KDM4C: variants seen among roughly 807,000 people sequenced by gnomAD.
KDM4C encodes the protein lysine demethylase 4C.
A neutral mutation model predicts 129.3 loss-of-function variants in KDM4C; 81 were observed. That is an observed-to-expected ratio of 0.63 (90% CI 0.52 to 0.75). The LOEUF (loss-of-function observed/expected upper bound fraction) is 0.75, where lower values mean the gene tolerates loss of function less well. Ranked by LOEUF, KDM4C falls within the 30% of genes least tolerant of loss-of-function variation. The pLI is 0.00. For synonymous variants in KDM4C, 573 were observed against 456.1 expected (o/e 1.26, Z -3.26); for missense variants, 1,457 against 1,304.0 (o/e 1.12, Z -1.81).
At chr9:7,059,876 T>C (rs1230994122) in intron 17 of KDM4C, among the ~76,000 whole-genome samples, 1 of 152,126 alleles carries the variant, frequency 6.6e-6, no homozygotes, top group East Asian at 1.9e-4. Context: ...TAAATATATA[T>C]TTTTAAAAAT....
chr9:7,064,636 A>G (rs1832164003), intron 17 of KDM4C, among the ~76,000 whole-genome samples: 1 of 152,178 alleles, frequency 6.6e-6, no homozygotes, highest in Admixed American at 6.5e-5. Flanking sequence ...GGAGAGGCAT[A>G]GGGTTTAGTG....
chr9:6,937,799 C>T (rs545982389), intron 8 of KDM4C, among the ~76,000 whole-genome samples: 7 of 152,098 alleles, frequency 4.6e-5, no homozygotes, highest in Non-Finnish European at 8.8e-5. Flanking sequence ...GCAACCTCTG[C>T]CTCCCGGGTT....
chr9:6,767,683 A>C (rs940641244), intron 1 of KDM4C, among the ~76,000 whole-genome samples: 1 of 152,104 alleles, frequency 6.6e-6, no homozygotes, highest in African/African-American at 2.4e-5. Context: ...CTGGTCTTGA[A>C]GTCCTGACCT....
At chr9:6,739,489 A>C (rs2988413) in intron 1 of KDM4C, among the ~76,000 whole-genome samples, 68,715 of 151,824 alleles carry the variant, frequency 0.45, 15,692 homozygotes, top group African/African-American at 0.5. Flanking sequence ...CTAAGGCTTC[A>C]CTCCTGGACA....
chr9:7,091,412 T>C (rs867706725), intron 17 of KDM4C, among the ~76,000 whole-genome samples: 15 of 152,288 alleles, frequency 9.8e-5, no homozygotes, highest in Admixed American at 5.2e-4. Context: ...TTTTTTTCAC[T>C]AAAACACTTT....
At chr9:6,888,356 AT>A (rs1385720588) in intron 7 of KDM4C, among the ~76,000 whole-genome samples, 2 of 152,196 alleles carry the variant, frequency 1.3e-5, no homozygotes, top group Non-Finnish European at 2.9e-5. Context: ...AATCTTTTTT[AT>A]GAGTAACATA....
At chr9:7,084,562 G>C (rs1587537007) in intron 17 of KDM4C, among the ~76,000 whole-genome samples, 1 of 151,600 alleles carries the variant, frequency 6.6e-6, no homozygotes, top group African/African-American at 2.4e-5. Flanking sequence ...TCATAAGGCT[G>C]CTATCATCAA....
At chr9:6,959,421 G>T (rs1829657328) in intron 8 of KDM4C, among the ~76,000 whole-genome samples, 1 of 152,178 alleles carries the variant, frequency 6.6e-6, no homozygotes, top group South Asian at 2.1e-4. Flanking sequence ...CTTGAAGAAT[G>T]ATTTCTGAAC....
At chr9:6,800,108 C>T (rs1455913528) in intron 2 of KDM4C, among the ~76,000 whole-genome samples, 11 of 152,154 alleles carry the variant, frequency 7.2e-5, no homozygotes, top group Non-Finnish European at 1.6e-4. Flanking sequence ...TGACTCACGC[C>T]TGTAATCCCA....
chr9:7,148,510 C>T (rs2130056522), intron 19 of KDM4C, among the ~76,000 whole-genome samples: 1 of 152,056 alleles, frequency 6.6e-6, no homozygotes, highest in East Asian at 1.9e-4. Context: ...CAGGGAATTC[C>T]AAGGTCTGGG....
chr9:6,759,558 A>C (rs1271875010), intron 1 of KDM4C, among the ~76,000 whole-genome samples: 2 of 152,138 alleles, frequency 1.3e-5, no homozygotes, highest in Non-Finnish European at 2.9e-5. Context: ...AAAAGTTTTC[A>C]CATAAGCTTT....
intron 15 of KDM4C, among the ~76,000 whole-genome samples, chr9:7,019,647 T>C (rs963255718): frequency 6.9e-6 from 1 of 144,518 alleles, no homozygotes; most frequent in Non-Finnish European, 1.5e-5. Flanking sequence ...ATGTGGTGGT[T>C]CTATTTTTTA....
chr9:7,062,431 A>C (rs982020911), intron 17 of KDM4C, among the ~76,000 whole-genome samples: 1 of 152,040 alleles, frequency 6.6e-6, no homozygotes, highest in Non-Finnish European at 1.5e-5. Context: ...TCTGTTGCCC[A>C]GGCTGGAGTG....
At chr9:7,051,347 C>T (rs1481939174) in intron 17 of KDM4C, among the ~76,000 whole-genome samples, 2 of 152,154 alleles carry the variant, frequency 1.3e-5, no homozygotes, top group Non-Finnish European at 2.9e-5. Flanking sequence ...TGTGAGTCCA[C>T]TGCAGTCCAG....
intron 14 of KDM4C, among the ~76,000 whole-genome samples, chr9:7,014,618 A>G (rs1293589092): frequency 6.6e-6 from 1 of 152,164 alleles, no homozygotes; most frequent in Non-Finnish European, 1.5e-5. Context: ...GGGATCTCAT[A>G]TAATACAACT....
At chr9:7,142,673 A>C (rs551410597) in intron 19 of KDM4C, among the ~76,000 whole-genome samples, 1 of 152,374 alleles carries the variant, frequency 6.6e-6, no homozygotes, top group South Asian at 2.1e-4. Flanking sequence ...ATTAGCAACT[A>C]ATATTTAATA....
At chr9:6,723,766 A>G (rs1308779295) in intron 1 of KDM4C, 2 of 152,184 alleles carry the variant, frequency 1.3e-5, no homozygotes, top group African/African-American at 2.4e-5. Flanking sequence ...GACCTACCAG[A>G]TTTCCAACGC....
intron 19 of KDM4C, among the ~76,000 whole-genome samples, chr9:7,134,610 A>G (rs1587814137): frequency 6.6e-6 from 1 of 152,346 alleles, no homozygotes; most frequent in Admixed American, 6.5e-5. Context: ...GACATTTTCA[A>G]AAACAGTATG....
At chr9:6,847,005 C>A (rs891927378) in intron 4 of KDM4C, among the ~76,000 whole-genome samples, 1 of 152,118 alleles carries the variant, frequency 6.6e-6, no homozygotes, top group African/African-American at 2.4e-5. Flanking sequence ...GTCTTTTTGT[C>A]CAGCACTATT....
Sources: allele counts gnomAD v4.1 joint callset (sites outside exome capture counted in the v4.1 genomes callset), GRCh38; gene constraint gnomAD v4.1.1; transcripts MANE v1.5; gene names NCBI Gene and HGNC (gene_info 2026-07-23, HGNC 2026-07-21).